Variants in RCAN1 observed in about 807,000 individuals in gnomAD.
RCAN1 encodes the protein calcipressin-1.
Under a neutral mutation model 22.9 loss-of-function variants are expected in RCAN1, and 11 were observed. The observed-to-expected ratio is 0.48, with a 90% CI of 0.30 to 0.79. The LOEUF (loss-of-function observed/expected upper bound fraction) is 0.79. Among genes scored for constraint, RCAN1 ranks in the 30% least tolerant of loss-of-function variants. RCAN1 has a pLI of 0.06. For synonymous variants in RCAN1, 136 were observed against 142.3 expected (o/e 0.96, Z 0.32); for missense variants, 291 against 337.8 (o/e 0.86, Z 1.09).
chr21:34,523,670 A>G lies in RCAN1; in HGVS notation c.293T>C (p.Ile98Thr). Residue 98 changes from isoleucine (I) to threonine (T), a missense_variant, in exon 2 of 4, where the codon ATC becomes ACC. Physicochemically the swap from Ile to Thr is moderately conservative, Grantham distance 89 (BLOSUM62 -1). Coordinates refer to ENST00000313806, the MANE Select transcript of RCAN1 (RefSeq NM_004414.7). ...GAAGCTCTTAAAATACTGAAAGGTG[A>G]TGTCCTTGTCATACGTCCTAAAGAG... is the stretch of plus-strand genomic sequence containing the variant. ...ESLFRTYDKDITFQYFKSFKR... is the reference protein window; with the variant it reads ...ESLFRTYDKDTTFQYFKSFKR... 1 of 1,614,176 alleles carries G rather than the reference A, an allele frequency of 6.2e-7. No homozygotes were observed. Among genetic ancestry groups the G allele is most frequent in the Non-Finnish European group, 8.5e-7 (1 of 1,180,038 alleles).
intron 1 of RCAN1, among the ~76,000 whole-genome samples, chr21:34,537,892 A>G (rs1016675096): frequency 6.6e-6 from 1 of 152,054 alleles, no homozygotes. Flanking sequence ...TCACATTCCT[A>G]TGGGTGACTC....
intron 1 of RCAN1, among the ~76,000 whole-genome samples, chr21:34,593,403 T>C (rs1395686407): frequency 1.3e-5 from 2 of 152,340 alleles, no homozygotes; most frequent in East Asian, 1.9e-4. Context: ...CAATACATCA[T>C]TACCAATTAT....
intron 1 of RCAN1, among the ~76,000 whole-genome samples, chr21:34,607,535 G>A (rs372732785): frequency 3.3e-5 from 5 of 152,036 alleles, no homozygotes; most frequent in South Asian, 2.1e-4. Context: ...GACTACAGGC[G>A]CGTGCCACCA....
chr21:34,602,923 C>T (rs184783634), intron 1 of RCAN1, among the ~76,000 whole-genome samples: 1 of 152,178 alleles, frequency 6.6e-6, no homozygotes, highest in Admixed American at 6.5e-5. Flanking sequence ...TCAAAAGTCT[C>T]CCCTTCAGGT....
chr21:34,614,952 GGCCGCCTCC>G lies in RCAN1; in HGVS notation c.51_59del (p.Ala20_Ala22del), dbSNP rs774268988. On this transcript the variant is annotated inframe_deletion, in exon 1 of 4. Coordinates refer to ENST00000313806, the MANE Select transcript of RCAN1 (RefSeq NM_004414.7). The surrounding 1 kb of genome is among the most constrained non-coding windows in gnomAD (Gnocchi z 6.0). ...TCACCCCGGGCCGCGCTCGCGCCTC[GGCCGCCTCC>G]GCCGCCTCCGCCGCGGCCCCGAGCT... The G allele has an allele frequency of 0.015, 17,227 of 1,176,330 alleles. 148 individuals carry two copies. The highest frequency in any genetic ancestry group is 0.017 in the Non-Finnish European group (16,194 of 956,998). The allele number at this position is 1,176,330 out of a possible 1,614,324, so 72.9% of individuals were successfully genotyped here.
At chr21:34,541,367 A>G (rs1387538647) in intron 1 of RCAN1, among the ~76,000 whole-genome samples, 2 of 152,202 alleles carry the variant, frequency 1.3e-5, no homozygotes, top group African/African-American at 4.8e-5. Flanking sequence ...CTAAAAAGAA[A>G]AGGTATAAGG....
intron 1 of RCAN1, 192 bp from the exon 2 acceptor site, chr21:34,523,902 C>G (rs980099868): frequency 2.3e-6 from 1 of 425,796 alleles, no homozygotes; most frequent in African/African-American, 2.1e-5. Context: ...CCTGCCTCAG[C>G]CTCCCGAGTA....
chr21:34,601,519 T>C (rs1988339663), intron 1 of RCAN1, among the ~76,000 whole-genome samples: 4 of 152,116 alleles, frequency 2.6e-5, no homozygotes, highest in South Asian at 4.1e-4. Flanking sequence ...TGTCCATCTA[T>C]AAAGAAGGTG....
At chr21:34,549,808 C>A (rs1238260308) in intron 1 of RCAN1, among the ~76,000 whole-genome samples, 2 of 152,114 alleles carry the variant, frequency 1.3e-5, no homozygotes, top group African/African-American at 2.4e-5. Context: ...CATCCATCAT[C>A]CATCCATCCA....
At chr21:34,525,227 G>T (rs1483880043) in intron 1 of RCAN1, 2 of 1,550,630 alleles carry the variant, frequency 1.3e-6, no homozygotes, top group Non-Finnish European at 1.7e-6. Context: ...ATGGGGCTGC[G>T]GGTAGGAGCA....
At chr21:34,542,255 C>G (rs1339335829) in intron 1 of RCAN1, among the ~76,000 whole-genome samples, 1 of 152,174 alleles carries the variant, frequency 6.6e-6, no homozygotes, top group African/African-American at 2.4e-5. Context: ...AATGTATGTC[C>G]CCTGCCCTTG....
intron 1 of RCAN1, among the ~76,000 whole-genome samples, chr21:34,590,353 C>T (rs1334543084): frequency 2.0e-5 from 3 of 152,204 alleles, no homozygotes; most frequent in Non-Finnish European, 4.4e-5. Flanking sequence ...TTTGTTTTCC[C>T]CTGGGTCCAG....
At chr21:34,526,931 C>T in intron 1 of RCAN1, 1 of 1,416,272 alleles carries the variant, frequency 7.1e-7, no homozygotes, top group South Asian at 1.5e-5. Context: ...CAGCAAATTC[C>T]TGAGTCAAGT....
chr21:34,526,386 C>A (rs746813596), intron 1 of RCAN1, among the ~76,000 whole-genome samples: 9 of 152,316 alleles, frequency 5.9e-5, no homozygotes, highest in South Asian at 2.1e-4. Flanking sequence ...TTACAACATA[C>A]ACAGAATGAA....
At chr21:34,567,221 C>T (rs570644263) in intron 1 of RCAN1, among the ~76,000 whole-genome samples, 57 of 152,286 alleles carry the variant, frequency 3.7e-4, no homozygotes, top group Non-Finnish European at 6.3e-4. Flanking sequence ...CGAGGCTGGG[C>T]GCGGTGGCTC....
intron 1 of RCAN1, among the ~76,000 whole-genome samples, chr21:34,552,016 T>C (rs186209975): frequency 2.3e-3 from 344 of 152,322 alleles, no homozygotes; most frequent in Non-Finnish European, 3.8e-3. Flanking sequence ...GAAAGGCCAG[T>C]AGGACTCACG....
At chr21:34,569,850 T>A (rs1037712258) in intron 1 of RCAN1, among the ~76,000 whole-genome samples, 7 of 152,346 alleles carry the variant, frequency 4.6e-5, no homozygotes, top group African/African-American at 1.7e-4. Flanking sequence ...AATTCAAGAC[T>A]TTGCCCAGGG....
intron 1 of RCAN1, among the ~76,000 whole-genome samples, chr21:34,529,948 A>G (rs540044805): frequency 6.6e-6 from 1 of 152,018 alleles, no homozygotes; most frequent in Admixed American, 6.5e-5. Flanking sequence ...CTTTCTCATC[A>G]TTTTCCCTTG....
intron 3 of RCAN1, among the ~76,000 whole-genome samples, chr21:34,519,084 G>A (rs1225127121): frequency 1.3e-5 from 2 of 152,174 alleles, no homozygotes; most frequent in Non-Finnish European, 2.9e-5. Context: ...GCTTCCCTGT[G>A]CACCTCAGTT....
Sources: gnomAD v4.1 joint callset for allele counts (sites outside exome capture counted in the v4.1 genomes callset) on GRCh38, gnomAD v4.1.1 for gene constraint, Gnocchi (gnomAD v3.1) non-coding constraint, MANE v1.5 for transcripts, NCBI Gene and HGNC (gene_info 2026-07-23, HGNC 2026-07-21) for gene names.